The following GSTM4 variants were observed in gnomAD, a reference collection of about 807,000 sequenced individuals.
The protein encoded by GSTM4 is GST class-mu 4.
A neutral mutation model predicts 30.1 loss-of-function variants in GSTM4; 27 were observed. The observed-to-expected ratio is 0.90, with a 90% CI of 0.66 to 1.24. The LOEUF (loss-of-function observed/expected upper bound fraction) is 1.24, where lower values mean the gene tolerates loss of function less well. Ranked by LOEUF, GSTM4 falls within the 50% of genes most tolerant of loss-of-function variation. The pLI, the probability that GSTM4 is intolerant of heterozygous loss-of-function variation, is 0.00. For synonymous variants in GSTM4, 94 were observed against 96.2 expected, an observed-to-expected ratio of 0.98 and a Z score of 0.13; for missense variants, 238 against 272.1, an observed-to-expected ratio of 0.87 and a Z score of 0.88.
In GSTM4 at chr1:109,656,845, C is replaced by A. The variant is rs768707333; in HGVS notation, c.112+58C>A. 9.8e-6 allele frequency: 15 copies of A among 1,525,216 alleles called. No homozygotes were observed. The Admixed American group carries it at 1.2e-4, about 12-fold the overall frequency. The allele number at this position is 1,525,216 out of a possible 1,614,324, so 94.5% of individuals were successfully genotyped here. On this transcript the variant is annotated intron_variant, in intron 2 of 7. Transcript: ENST00000369836. ...CTCACGCTGAGTTGGCACCAAGCAA[C>A]CCATGGTGGCCACCTGTGGCTACCT...
chr1:109,656,837 C>T (rs1189576216), intron 2 of GSTM4, 50 bp downstream of exon 2: 1 of 1,571,804 alleles, frequency 6.4e-7, no homozygotes, highest in Non-Finnish European at 8.8e-7. Context: ...TGAGTTGGCA[C>T]CAAGCAACCC....
chr1:109,665,325 C>T (rs1647279351), downstream of GSTM4: 2 of 487,794 alleles, frequency 4.1e-6, no homozygotes, highest in East Asian at 3.5e-5. Context: ...AACACCATCG[C>T]CTCCCACCCC....
At position 109,659,056 on chromosome 1, in the gene GSTM4, G is replaced by A; in HGVS notation, c.513G>A (p.Glu171=). ...YDVLDLHRIF[E]PNCLDAFPNL... is the part of the protein sequence containing the mutation. Reference sequence around the variant, plus strand: ...TCCTTGACCTCCACCGTATATTTGAGCCCAACTGCTTGGACGCCTTTCCAA... The same window carrying A: ...TCCTTGACCTCCACCGTATATTTGAACCCAACTGCTTGGACGCCTTTCCAA... The change falls in exon 7 of 8, where the codon GAG becomes GAA. Residue 171 remains glutamate, a synonymous_variant. Transcript: ENST00000369836. 1 of 1,614,162 alleles carries A rather than the reference G, an allele frequency of 6.2e-7. No individual in the cohort carries two copies. The highest frequency in any genetic ancestry group is 8.5e-7 in the Non-Finnish European group (1 of 1,180,028).
At chr1:109,664,341 C>CTTTTTTTTTTTTTTTTTTTTTTTTTTT (rs77855995), downstream of GSTM4, among the ~76,000 whole-genome samples, 11 of 35,756 alleles carry the variant, frequency 3.1e-4, 4 homozygotes, top group Non-Finnish European at 4.4e-4. Flanking sequence ...GAGAGAATAG[C>CTTTTTTTTTTTTTTTTTTTTTTTTTTT]TTTTTTTTTT....
At position 109,656,175 on chromosome 1, in the gene GSTM4, A is replaced by G; in HGVS notation, c.-215A>G. 2 of 573,084 alleles carry G rather than the reference A, an allele frequency of 3.5e-6. No homozygotes were observed. The highest frequency in any genetic ancestry group is 2.9e-5 in the Admixed American group (1 of 34,260). The allele number at this position is 573,084 out of a possible 1,614,324, so 35.5% of individuals were successfully genotyped here. ...TACTCCTTCCAGCCAGTGAGGATCC[A>G]GCAACCTGCTCCGTGCCTCCCGCGC... On this transcript the variant is annotated 5_prime_UTR_variant, in exon 1 of 8. Transcript: ENST00000369836.
downstream of GSTM4, among the ~76,000 whole-genome samples, chr1:109,662,140 C>T (rs140806239): frequency 2.6e-5 from 4 of 152,324 alleles, no homozygotes; most frequent in East Asian, 5.8e-4. Context: ...TTTCCAACTT[C>T]TTGATCTCTT....
At chr1:109,661,074 A>G (rs1402861563) in intron 7 of GSTM4, 91 bp from the exon 8 acceptor site, 6 of 1,549,158 alleles carry the variant, frequency 3.9e-6, no homozygotes, top group Non-Finnish European at 4.4e-6. Flanking sequence ...GGCTGTGGCC[A>G]GGGCCCTGAC....
At position 109,656,693 on chromosome 1, in the gene GSTM4, T is replaced by C; in HGVS notation, c.37-19T>C. ...GGGACCCTCCATCTCTGACACGACCTGCGGGCCATCTCTTCCAGCTGGCCC... is the reference window on the plus strand; with the variant it reads ...GGGACCCTCCATCTCTGACACGACCCGCGGGCCATCTCTTCCAGCTGGCCC... On this transcript the variant is annotated intron_variant, in intron 1 of 7. Transcript: ENST00000369836. 3 of 1,610,978 alleles carry C rather than the reference T, an allele frequency of 1.9e-6. No homozygotes were observed. Among genetic ancestry groups the C allele is most frequent in the East Asian group, 2.2e-5 (1 of 44,730 alleles).
Position 109,656,233 on chromosome 1 carries a change from G to A in GSTM4, c.-157G>A, listed in dbSNP as rs991620538. 6.6e-6 allele frequency: 5 copies of A among 760,520 alleles called. No individual in the cohort carries two copies. The highest frequency in any genetic ancestry group is 7.1e-6 in the Non-Finnish European group (3 of 420,128). The allele number at this position is 760,520 out of a possible 1,614,324, so 47.1% of individuals were successfully genotyped here. On this transcript the variant is annotated 5_prime_UTR_variant, in exon 1 of 8. Coordinates refer to ENST00000369836, the MANE Select transcript of GSTM4 (RefSeq NM_000850.5). ...TTGGAAGTGACGACCTTGAAGATCG[G>A]CCGGTTGGAAGTGACGACCTTGAAG...
intron 3 of GSTM4, 140 bp downstream of exon 3, chr1:109,657,419 C>T: frequency 1.4e-6 from 2 of 1,407,172 alleles, no homozygotes; most frequent in South Asian, 2.3e-5. Flanking sequence ...ACAGCCCCTG[C>T]ATGATGTTCT....
chr1:109,656,972 G>T (rs1178711547), intron 2 of GSTM4, 185 bp downstream of exon 2: 4 of 799,568 alleles, frequency 5.0e-6, no homozygotes, highest in Non-Finnish European at 8.7e-6. Flanking sequence ...GGGATGCTGG[G>T]CCCCCTGTTT....
rs777130965 is a variant in GSTM4, at chr1:109,656,688, C to G, written c.37-24C>G. On this transcript the variant is annotated intron_variant, in intron 1 of 7. Coordinates refer to ENST00000369836, the MANE Select transcript of GSTM4 (RefSeq NM_000850.5). ...AGTCAGGGACCCTCCATCTCTGACA[C>G]GACCTGCGGGCCATCTCTTCCAGCT... is the stretch of plus-strand genomic sequence containing the variant. 5.6e-6 allele frequency: 9 copies of G among 1,611,342 alleles called. No homozygotes were observed. In the Admixed American group the frequency reaches 6.7e-5, roughly 12 times the overall value.
intron 2 of GSTM4, 200 bp downstream of exon 2, chr1:109,656,987 G>A (rs1652031577): frequency 1.3e-6 from 1 of 779,968 alleles, no homozygotes; most frequent in Admixed American, 2.0e-5. Context: ...CTGTTTAATT[G>A]GGTTGGGTGT....
downstream of GSTM4, among the ~76,000 whole-genome samples, chr1:109,663,184 C>T (rs369284834): frequency 6.6e-6 from 1 of 152,136 alleles, no homozygotes; most frequent in Admixed American, 6.6e-5. Flanking sequence ...GGAAATGAGT[C>T]CATGGTATCA....
chr1:109,657,943 T>G, intron 5 of GSTM4, 71 bp downstream of exon 5: 1 of 1,300,066 alleles, frequency 7.7e-7, no homozygotes, highest in South Asian at 1.2e-5. Flanking sequence ...ATTCACAATT[T>G]GAACTCCTCA....
At chr1:109,664,724 G>A (rs1647249400), downstream of GSTM4, among the ~76,000 whole-genome samples, 1 of 152,002 alleles carries the variant, frequency 6.6e-6, no homozygotes, top group African/African-American at 2.4e-5. Context: ...CACTACCTTA[G>A]GTACTTGAGG....
rs1652311693 is a variant in GSTM4 at position 109,661,394 on chromosome 1, CTTTA to C, written c.*143_*146del. On this transcript the variant is annotated 3_prime_UTR_variant, in exon 8 of 8. Transcript: ENST00000369836. ...TTTATTCCCATCTTTACCCCCAAGA[CTTTA>C]TTGGGCCTCTTCACTTCCCCTAAAC... The C allele has an allele frequency of 2.0e-6, 3 of 1,532,378 alleles. No homozygotes were observed. The African/African-American group carries it at 4.1e-5, about 21-fold the overall frequency. 94.9% of individuals were successfully genotyped at this position (1,532,378 alleles called of 1,614,324 possible). A position where few individuals can be genotyped will look rare whatever the true frequency, so the allele number is the denominator to read the frequency against.
At chr1:109,659,423 G>C (rs1168126192) in intron 7 of GSTM4, 4 of 1,360,786 alleles carry the variant, frequency 2.9e-6, no homozygotes, top group Non-Finnish European at 3.9e-6. Context: ...ATCTATGGGT[G>C]GCAGTCAGGG....
At chr1:109,659,565 G>A (rs1652207751) in intron 7 of GSTM4, 18 of 461,354 alleles carry the variant, frequency 3.9e-5, no homozygotes, top group South Asian at 3.0e-4. Context: ...ACTGACACAC[G>A]GTGGCATTGA....
Sources: gnomAD v4.1 joint callset for allele counts (sites outside exome capture counted in the v4.1 genomes callset) on GRCh38, gnomAD v4.1.1 for gene constraint, MANE v1.5 for transcripts, NCBI Gene and HGNC (gene_info 2026-07-23, HGNC 2026-07-21) for gene names.